Variants in PHACTR4 observed in about 807,000 individuals in gnomAD.
PHACTR4 encodes protein phosphatase 1, regulatory subunit 124.
PHACTR4 carries 51 observed loss-of-function variants against 72.7 expected under a neutral mutation model. The ratio of observed to expected loss-of-function variants is 0.70; its 90% CI spans 0.56 to 0.89. The LOEUF is 0.89. Among genes scored for constraint, PHACTR4 ranks in the 40% least tolerant of loss-of-function variants. The pLI, the probability that PHACTR4 is intolerant of heterozygous loss-of-function variation, is 0.00. For missense variants in PHACTR4, 731 were observed against 861.8 expected, an observed-to-expected ratio of 0.85 and a Z score of 1.90; for synonymous variants, 255 against 302.5, an observed-to-expected ratio of 0.84 and a Z score of 1.63.
chr1:28,448,944 G>T (rs553920362), intron 2 of PHACTR4, among the ~76,000 whole-genome samples: 5 of 151,560 alleles, frequency 3.3e-5, no homozygotes, highest in African/African-American at 1.2e-4. Context: ...GAGACCAGGA[G>T]TTCGAGACCA....
chr1:28,403,897 C>T (rs145524528), intron 1 of PHACTR4, among the ~76,000 whole-genome samples: 18 of 152,268 alleles, frequency 1.2e-4, no homozygotes, highest in South Asian at 2.1e-4. Flanking sequence ...TGTTACAACA[C>T]GTATCAATAC....
intron 2 of PHACTR4, among the ~76,000 whole-genome samples, chr1:28,420,742 ATGATAAAAC>A (rs1372094821): frequency 6.6e-6 from 1 of 152,222 alleles, no homozygotes; most frequent in Non-Finnish European, 1.5e-5. Context: ...CATAGCCCAT[ATGATAAAAC>A]TAGAAGTGTG....
At chr1:28,438,448 G>T in intron 2 of PHACTR4, 1 of 1,611,826 alleles carries the variant, frequency 6.2e-7, no homozygotes, top group South Asian at 1.1e-5. Flanking sequence ...ATAGAAGGCA[G>T]AGAAACAGAA....
intron 1 of PHACTR4, among the ~76,000 whole-genome samples, chr1:28,380,159 C>T (rs888616702): frequency 1.4e-5 from 2 of 147,852 alleles, no homozygotes; most frequent in African/African-American, 2.5e-5. Flanking sequence ...CAGGTTCACG[C>T]CATTCTCCTG....
At chr1:28,465,393 G>C (rs1026559027) in intron 4 of PHACTR4, among the ~76,000 whole-genome samples, 2 of 152,146 alleles carry the variant, frequency 1.3e-5, no homozygotes, top group African/African-American at 4.8e-5. Context: ...CCGGGAGGCA[G>C]AGGCTGCAGC....
intron 4 of PHACTR4, among the ~76,000 whole-genome samples, chr1:28,463,966 A>G (rs1036506436): frequency 3.9e-5 from 6 of 151,982 alleles, no homozygotes; most frequent in Non-Finnish European, 8.8e-5. Flanking sequence ...TCTTGGGCTC[A>G]ACGATCCTCC....
At chr1:28,409,802 C>T (rs796352346) in intron 2 of PHACTR4, among the ~76,000 whole-genome samples, 28 of 152,096 alleles carry the variant, frequency 1.8e-4, no homozygotes, top group African/African-American at 6.5e-4. Context: ...CTGCTTTTAA[C>T]GACCTTAGAT....
chr1:28,482,995 G>T (rs1260772910), intron 9 of PHACTR4, among the ~76,000 whole-genome samples: 1 of 151,058 alleles, frequency 6.6e-6, no homozygotes, highest in East Asian at 1.9e-4. Flanking sequence ...CTCAGGGCAA[G>T]TTTTCCCTTT....
intron 1 of PHACTR4, among the ~76,000 whole-genome samples, chr1:28,385,312 G>C (rs1483420801): frequency 6.6e-6 from 1 of 152,012 alleles, no homozygotes; most frequent in Non-Finnish European, 1.5e-5. Context: ...GGTAGGCCGA[G>C]GCAGGTGGAT....
intron 2 of PHACTR4, among the ~76,000 whole-genome samples, chr1:28,431,196 A>AATATATAT (rs369455985): frequency 1.6e-4 from 21 of 128,294 alleles, no homozygotes; most frequent in African/African-American, 5.0e-4. Context: ...AAAAAACCAA[A>AATATATAT]ATATATATAT....
chr1:28,438,610 T>A (rs1656789598), intron 2 of PHACTR4, among the ~76,000 whole-genome samples: 1 of 152,226 alleles, frequency 6.6e-6, no homozygotes, highest in Non-Finnish European at 1.5e-5. Context: ...TTTAAAAAAT[T>A]AAGTTTTTTA....
intron 2 of PHACTR4, 82 bp downstream of exon 2, chr1:28,407,545 T>G (rs1405836848): frequency 7.9e-7 from 1 of 1,261,278 alleles, no homozygotes; most frequent in Admixed American, 1.9e-5. Flanking sequence ...AGTAAATTGG[T>G]TTTTTTTCAT....
intron 2 of PHACTR4, among the ~76,000 whole-genome samples, chr1:28,413,246 C>G (rs1376812468): frequency 1.3e-5 from 2 of 152,170 alleles, no homozygotes; most frequent in African/African-American, 4.8e-5. Context: ...GCCAGGCTCA[C>G]CTGGGTACTG....
At chr1:28,401,562 C>CTT (rs948893087) in intron 1 of PHACTR4, among the ~76,000 whole-genome samples, 20 of 152,010 alleles carry the variant, frequency 1.3e-4, no homozygotes, top group Non-Finnish European at 5.9e-5. Context: ...CCGCCTTGGC[C>CTT]TCCCAAAATG....
At chr1:28,421,088 T>C (rs778185195) in intron 2 of PHACTR4, among the ~76,000 whole-genome samples, 5 of 152,200 alleles carry the variant, frequency 3.3e-5, no homozygotes, top group Non-Finnish European at 7.4e-5. Context: ...AGTTCTACAA[T>C]GTGTTTATTA....
chr1:28,412,968 G>T (rs955724739), intron 2 of PHACTR4, among the ~76,000 whole-genome samples: 1 of 152,174 alleles, frequency 6.6e-6, no homozygotes, highest in Non-Finnish European at 1.5e-5. Flanking sequence ...CGGGCCACAG[G>T]AGGTGAGCAG....
In PHACTR4 at chr1:28,496,945, G is replaced by A. The variant is rs1661395834; in HGVS notation, c.*396G>A. On this transcript the variant is annotated 3_prime_UTR_variant, in exon 14 of 14. Coordinates refer to ENST00000373839, the MANE Select transcript of PHACTR4 (RefSeq NM_001048183.3). ...CCTGCCCTGATTGTGAGACCCAAAT[G>A]TGTAGGCTCTAAATTCCAGCCATCA... 4.6e-6 allele frequency: 1 copy of A among 216,284 alleles called. No homozygotes were observed. The highest frequency in any genetic ancestry group is 5.6e-5 in the Admixed American group (1 of 17,766). 13.4% of individuals were successfully genotyped at this position (216,284 alleles called of 1,614,324 possible). A position where few individuals can be genotyped will look rare whatever the true frequency, so the allele number is the denominator to read the frequency against.
At chr1:28,397,623 A>G (rs1204702300) in intron 1 of PHACTR4, among the ~76,000 whole-genome samples, 1 of 152,186 alleles carries the variant, frequency 6.6e-6, no homozygotes, top group African/African-American at 2.4e-5. Context: ...TTGTATGTAC[A>G]ATCTGAGGCT....
chr1:28,383,586 C>T (rs1652349997), intron 1 of PHACTR4, among the ~76,000 whole-genome samples: 1 of 151,842 alleles, frequency 6.6e-6, no homozygotes, highest in South Asian at 2.1e-4. Flanking sequence ...AGCTGTATTC[C>T]TAGGTATTTG....
Sources: gnomAD v4.1 joint callset for allele counts (sites outside exome capture counted in the v4.1 genomes callset) on GRCh38, gnomAD v4.1.1 for gene constraint, MANE v1.5 for transcripts, NCBI Gene and HGNC (gene_info 2026-07-23, HGNC 2026-07-21) for gene names.